The following ZNF565 variants were observed in gnomAD, a reference collection of about 807,000 sequenced individuals.
ZNF565 encodes the protein zinc finger protein 565.
Under a neutral mutation model 39.4 loss-of-function variants are expected in ZNF565, and 27 were observed. The observed-to-expected ratio is 0.69, with a 90% CI of 0.51 to 0.95. The LOEUF (loss-of-function observed/expected upper bound fraction) is 0.95. Ranked by LOEUF, ZNF565 falls within the 40% of genes least tolerant of loss-of-function variation. The pLI, the probability that ZNF565 is intolerant of heterozygous loss-of-function variation, is 0.00. For missense variants in ZNF565, 524 were observed against 621.1 expected, an observed-to-expected ratio of 0.84 and a Z score of 1.66; for synonymous variants, 185 against 216.6, an observed-to-expected ratio of 0.85 and a Z score of 1.28.
At chr19:36,216,952 G>C (rs904643144), upstream of ZNF565, among the ~76,000 whole-genome samples, 3 of 151,636 alleles carry the variant, frequency 2.0e-5, no homozygotes, top group African/African-American at 7.3e-5. Context: ...CTAGCTGCTT[G>C]GGAGGCTGAG....
In ZNF565 at chr19:36,190,436, C is replaced by T. The variant is rs559369793; in HGVS notation, c.232+3797G>A. On this transcript the variant is annotated intron_variant, in intron 4 of 4. Coordinates refer to ENST00000304116, the MANE Select transcript of ZNF565 (RefSeq NM_152477.5). ...TACTAAAAATACAAAATTAGCCGGG[C>T]GTGGTGGTGGGCGCCTGTAATCCCA... Among the ~76,000 whole-genome samples the T allele has an allele frequency of 1.5e-3, 222 of 151,690 alleles. 1 individual carries two copies. In the South Asian group the frequency reaches 0.016, roughly 11 times the overall value.
At chr19:36,207,878 T>C (rs1423628789) in intron 1 of ZNF565, among the ~76,000 whole-genome samples, 1 of 152,210 alleles carries the variant, frequency 6.6e-6, no homozygotes, top group Non-Finnish European at 1.5e-5. Context: ...GGGCCTTCTT[T>C]GGTGTGGAAC....
chr19:36,218,870 G>A (rs1240774543), upstream of ZNF565, among the ~76,000 whole-genome samples: 2 of 150,884 alleles, frequency 1.3e-5, no homozygotes, highest in Non-Finnish European at 3.0e-5. Flanking sequence ...GTGCAGTGGT[G>A]CTATCTTGGC....
intron 2 of ZNF565, among the ~76,000 whole-genome samples, chr19:36,201,089 C>T (rs1039174952): frequency 2.0e-5 from 3 of 152,058 alleles, no homozygotes; most frequent in African/African-American, 7.2e-5. Context: ...ACCAATTGAG[C>T]CCCGGAGTTT....
intron 2 of ZNF565, among the ~76,000 whole-genome samples, chr19:36,197,197 C>T (rs184283057): frequency 7.2e-5 from 11 of 151,912 alleles, no homozygotes; most frequent in Admixed American, 2.6e-4. Flanking sequence ...ACTTGATCCC[C>T]GGAGGCAGAG....
chr19:36,199,078 TAAAA>T (rs1975864444), intron 2 of ZNF565, among the ~76,000 whole-genome samples: 1 of 151,734 alleles, frequency 6.6e-6, no homozygotes, highest in South Asian at 2.1e-4. Flanking sequence ...AATTAAAAAT[TAAAA>T]AAATTTAAAA....
At chr19:36,237,980 C>A (rs1977706879) in intron 1 of ZNF565, 1 of 167,012 alleles carries the variant, frequency 6.0e-6, no homozygotes, top group Non-Finnish European at 1.5e-5. Context: ...TTCCTTGGAA[C>A]AATTTGAGAA....
chr19:36,185,922 G>A (rs1423533720), intron 4 of ZNF565, among the ~76,000 whole-genome samples: 1 of 151,490 alleles, frequency 6.6e-6, no homozygotes, highest in Non-Finnish European at 1.5e-5. Context: ...TCAAACTCCT[G>A]ACCTCAGGTA....
intron 2 of ZNF565, among the ~76,000 whole-genome samples, chr19:36,198,335 A>G (rs1415365252): frequency 1.3e-5 from 2 of 152,172 alleles, no homozygotes; most frequent in Admixed American, 1.3e-4. Flanking sequence ...CATCTGCAAC[A>G]TGAATGGAAC....
At chr19:36,213,632 C>A (rs185069052) in intron 1 of ZNF565, among the ~76,000 whole-genome samples, 2 of 151,870 alleles carry the variant, frequency 1.3e-5, no homozygotes, top group African/African-American at 4.8e-5. Flanking sequence ...GTGATCCACC[C>A]GCCTCGGCCT....
At chr19:36,187,422 C>T (rs899400137) in intron 4 of ZNF565, among the ~76,000 whole-genome samples, 2 of 151,102 alleles carry the variant, frequency 1.3e-5, no homozygotes, top group African/African-American at 2.4e-5. Flanking sequence ...AGTGCAGTGG[C>T]GCGATCTCGG....
rs1357105319 is a variant in ZNF565, at chr19:36,211,447, TCTCA to T, written c.-66+3171_-66+3174del. On this transcript the variant is annotated intron_variant, in intron 1 of 4. Coordinates refer to ENST00000304116, the MANE Select transcript of ZNF565 (RefSeq NM_152477.5). ...CAACAAGAGCCAAACTCCAACTCTC[TCTCA>T]CACACACACACACACACACACACAC... Among the ~76,000 whole-genome samples, 34 of 110,048 alleles carry T rather than the reference TCTCA, an allele frequency of 3.1e-4. No individual in the cohort carries two copies. In the East Asian group the frequency reaches 7.0e-3, roughly 23 times the overall value. 72.2% of individuals were successfully genotyped at this position (110,048 alleles called of 152,430 possible). A position where few individuals can be genotyped will look rare whatever the true frequency, so the allele number is the denominator to read the frequency against.
upstream of ZNF565, among the ~76,000 whole-genome samples, chr19:36,216,209 A>G (rs1036198738): frequency 4.6e-5 from 7 of 152,218 alleles, no homozygotes; most frequent in Non-Finnish European, 7.3e-5. Context: ...AAGATAAAGT[A>G]TTGTGGAAGA....
At chr19:36,233,083 A>G (rs1198405376) in intron 1 of ZNF565, among the ~76,000 whole-genome samples, 1 of 152,108 alleles carries the variant, frequency 6.6e-6, no homozygotes, top group East Asian at 1.9e-4. Context: ...TGTATTTTCT[A>G]CCAAGAAAAG....
chr19:36,245,591 C>T lies in ZNF565; in HGVS notation c.-61G>A. The T allele has an allele frequency of 1.4e-6, 1 of 701,706 alleles. No individual in the cohort carries two copies. The highest frequency in any genetic ancestry group is 1.5e-5 in the South Asian group (1 of 67,544). 43.5% of individuals were successfully genotyped at this position (701,706 alleles called of 1,614,324 possible). A position where few individuals can be genotyped will look rare whatever the true frequency, so the allele number is the denominator to read the frequency against. ...GGTCCACCGCGGATCTAGGAGGAGG[C>T]TTGAGATGCAGCCTCCCAGCTTCGA... is the stretch of plus-strand genomic sequence containing the variant. On this transcript the variant is annotated 5_prime_UTR_variant, in exon 1 of 5. Transcript: ENST00000355114. This position sits in a 1 kb window ranked among gnomAD's most constrained non-coding sequence, Gnocchi z 4.4.
intron 1 of ZNF565, among the ~76,000 whole-genome samples, chr19:36,202,941 T>C (rs1323894380): frequency 6.6e-6 from 1 of 152,056 alleles, no homozygotes; most frequent in Non-Finnish European, 1.5e-5. Flanking sequence ...TACCCGCACA[T>C]CCAGAGTACT....
intron 1 of ZNF565, among the ~76,000 whole-genome samples, chr19:36,210,418 T>TC (rs1298657252): frequency 8.8e-5 from 3 of 33,932 alleles, no homozygotes; most frequent in Admixed American, 7.0e-4. Context: ...AAATTCTGTC[T>TC]CAAAAAAAAA....
chr19:36,202,525 C>T (rs1362518402), intron 1 of ZNF565, among the ~76,000 whole-genome samples: 2 of 152,108 alleles, frequency 1.3e-5, no homozygotes, highest in African/African-American at 4.8e-5. Flanking sequence ...CCAGGCACCA[C>T]CAAGGGAGGG....
chr19:36,220,316 G>A (rs902588242), intron 1 of ZNF565, among the ~76,000 whole-genome samples: 18 of 106,802 alleles, frequency 1.7e-4, no homozygotes, highest in Non-Finnish European at 3.8e-4. Context: ...ACTTTAAATG[G>A]TATAGTATTT....
Sources: gnomAD v4.1 joint callset for allele counts (sites outside exome capture counted in the v4.1 genomes callset) on GRCh38, gnomAD v4.1.1 for gene constraint, Gnocchi (gnomAD v3.1) non-coding constraint, MANE v1.5 for transcripts, NCBI Gene and HGNC (gene_info 2026-07-23, HGNC 2026-07-21) for gene names.